CYP2J2: variants seen among roughly 807,000 people sequenced by gnomAD.
CYP2J2 encodes cytochrome P450 family 2 subfamily J member 2.
Under a neutral mutation model 48.8 loss-of-function variants are expected in CYP2J2, and 41 were observed. That is an observed-to-expected ratio of 0.84 (90% confidence interval 0.66 to 1.09). CYP2J2 has a LOEUF of 1.09. Ranked by LOEUF, CYP2J2 falls within the 50% of genes least tolerant of loss-of-function variation. CYP2J2 has a pLI of 0.00. For missense variants in CYP2J2, 644 were observed against 617.3 expected, an observed-to-expected ratio of 1.04 and a Z score of -0.46; for synonymous variants, 221 against 227.1, an observed-to-expected ratio of 0.97 and a Z score of 0.24.
the CYP2J2 span, among the ~76,000 whole-genome samples, chr1:59,950,377 T>C: frequency 1.3e-5 from 2 of 152,184 alleles, no homozygotes; most frequent in Non-Finnish European, 2.9e-5. Context: ...GAGCTCTTCA[T>C]ATTTCATTGA....
the CYP2J2 span, among the ~76,000 whole-genome samples, chr1:59,946,538 G>A: frequency 8.7e-3 from 1,323 of 152,280 alleles, 18 homozygotes; most frequent in African/African-American, 0.03. Context: ...TGAGGGGAAA[G>A]GTTTTTGTCT....
chr1:59,935,025 T>TATATATATACAC, the CYP2J2 span, among the ~76,000 whole-genome samples: 1 of 85,846 alleles, frequency 1.2e-5, no homozygotes, highest in African/African-American at 4.0e-5. Context: ...CATATATATA[T>TATATATATACAC]ATATATATAT....
the CYP2J2 span, among the ~76,000 whole-genome samples, chr1:59,942,057 T>C: frequency 6.6e-6 from 1 of 152,252 alleles, no homozygotes; most frequent in Non-Finnish European, 1.5e-5. Flanking sequence ...AAGTGCCTTA[T>C]ACAGGGGTAC....
chr1:59,961,832 G>C, the CYP2J2 span, among the ~76,000 whole-genome samples: 1 of 152,028 alleles, frequency 6.6e-6, no homozygotes, highest in African/African-American at 2.4e-5. Flanking sequence ...ATGAAGTACT[G>C]ATAAATGCTG....
chr1:59,966,991 C>T, the CYP2J2 span, among the ~76,000 whole-genome samples: 1 of 152,210 alleles, frequency 6.6e-6, no homozygotes, highest in African/African-American at 2.4e-5. Flanking sequence ...AAAACTACTC[C>T]TCAAACAAAT....
intron 2 of CYP2J2, among the ~76,000 whole-genome samples, chr1:59,914,481 C>T (rs1158534764): frequency 1.7e-4 from 26 of 152,142 alleles, no homozygotes. Context: ...TTTCCCCAAC[C>T]TCTTTGCCCC....
At chr1:59,895,372 G>A (rs1644259821) in intron 8 of CYP2J2, among the ~76,000 whole-genome samples, 1 of 152,194 alleles carries the variant, frequency 6.6e-6, no homozygotes, top group Non-Finnish European at 1.5e-5. Flanking sequence ...TTGGATTCAG[G>A]CTGTGGAGTT....
intron 8 of CYP2J2, among the ~76,000 whole-genome samples, chr1:59,899,243 A>G (rs1451814027): frequency 6.6e-6 from 1 of 152,266 alleles, no homozygotes; most frequent in Non-Finnish European, 1.5e-5. Context: ...TTGTGCTATA[A>G]TACAAAATTT....
rs749662613 is a variant in CYP2J2, at chr1:59,893,688, G to A, written c.1472C>T (p.Pro491Leu). The stretch of plus-strand genomic sequence containing the variant: ...AACAGCGCAGAGGCGGTGACTGACT[G>A]GGGAAATGGTGATACCCATTCTAAA... ...LKFRMGITISPVSHRLCAVPQ... is the reference protein window; with the variant it reads ...LKFRMGITISLVSHRLCAVPQ... The change falls in exon 9 of 9, where the codon CCA becomes CTA. Residue 491 changes from proline to leucine, a missense_variant. Coordinates refer to ENST00000371204, the MANE Select transcript of CYP2J2 (RefSeq NM_000775.4). The A allele has an allele frequency of 1.6e-5, 25 of 1,612,872 alleles. No individual in the cohort carries two copies. Among genetic ancestry groups the A allele is most frequent in the Non-Finnish European group, 2.0e-5 (24 of 1,179,516 alleles).
chr1:59,924,043 T>C (rs1310785658), intron 1 of CYP2J2, among the ~76,000 whole-genome samples: 3 of 152,058 alleles, frequency 2.0e-5, no homozygotes, highest in Non-Finnish European at 4.4e-5. Context: ...AAAGAAAATT[T>C]CTTGAAGGAA....
intron 7 of CYP2J2, among the ~76,000 whole-genome samples, chr1:59,902,582 G>A (rs531736778): frequency 2.6e-5 from 4 of 151,814 alleles, no homozygotes; most frequent in Non-Finnish European, 5.9e-5. Context: ...CGCCTGGCTA[G>A]TTTTTATATT....
chr1:59,914,545 T>A (rs983540772), intron 2 of CYP2J2, among the ~76,000 whole-genome samples: 1 of 152,206 alleles, frequency 6.6e-6, no homozygotes, highest in South Asian at 2.1e-4. Flanking sequence ...ATGGAATCAA[T>A]GTTTAAGGGA....
chr1:59,935,115 C>A, the CYP2J2 span, among the ~76,000 whole-genome samples: 1,183 of 142,434 alleles, frequency 8.3e-3, 19 homozygotes, highest in African/African-American at 0.029. Flanking sequence ...ACAACATGGA[C>A]GAATGTGGAG....
At chr1:59,966,033 T>C in the CYP2J2 span, among the ~76,000 whole-genome samples, 3 of 152,214 alleles carry the variant, frequency 2.0e-5, no homozygotes, top group Non-Finnish European at 2.9e-5. Flanking sequence ...TGGTAAGCTC[T>C]CTTGTCCTTA....
chr1:59,938,222 A>G, the CYP2J2 span, among the ~76,000 whole-genome samples: 1 of 152,144 alleles, frequency 6.6e-6, no homozygotes. Flanking sequence ...GAGACTGATA[A>G]AAGAAATAAG....
upstream of CYP2J2, among the ~76,000 whole-genome samples, chr1:59,929,142 T>C (rs117855802): frequency 5.4e-4 from 83 of 152,348 alleles, 2 homozygotes; most frequent in East Asian, 0.016. Context: ...AATGTCGTTG[T>C]ATTGTGACTG....
chr1:59,911,719 G>T lies in CYP2J2; in HGVS notation c.573C>A (p.Ile191=), dbSNP rs1457562025. 3.1e-6 allele frequency: 5 copies of T among 1,613,586 alleles called. No individual in the cohort carries two copies. The African/African-American group carries it at 6.7e-5, about 22-fold the overall frequency. ...HFKINNAVSN[I]ICSITFGERF... ...GTTCTCCGAAGGTGATGGAGCAAAT[G>T]ATATTGGAAACTGCATTGTTGATCT... The change falls in exon 4 of 9, where the codon ATC becomes ATA. Residue 191 remains isoleucine, a synonymous_variant. Coordinates refer to ENST00000371204, the MANE Select transcript of CYP2J2 (RefSeq NM_000775.4).
the CYP2J2 span, among the ~76,000 whole-genome samples, chr1:59,960,155 T>C: frequency 6.6e-6 from 1 of 151,836 alleles, no homozygotes; most frequent in African/African-American, 2.4e-5. Flanking sequence ...TATTTGAAAA[T>C]TGTAGGGAAA....
In CYP2J2 at chr1:59,907,856, G is replaced by A. The variant is rs755892986; in HGVS notation, c.933C>T (p.Ala311=). Residue 311 remains alanine, a synonymous_variant, in exon 6 of 9, where the codon GCC becomes GCT. Coordinates refer to ENST00000371204, the MANE Select transcript of CYP2J2 (RefSeq NM_000775.4). The stretch of plus-strand genomic sequence containing the variant: ...GAGTTGTGGAAGTTGTCTCGGTTCC[G>A]GCAAAGAAGAGGTCCAGGGTGCTGC... ...LICSTLDLFF[A]GTETTSTTLR... 5.4e-5 allele frequency: 87 copies of A among 1,613,862 alleles called. No homozygotes were observed. The highest frequency in any genetic ancestry group is 1.6e-4 in the Middle Eastern group (1 of 6,084).
Sources: allele counts gnomAD v4.1 joint callset (sites outside exome capture counted in the v4.1 genomes callset), GRCh38; gene constraint gnomAD v4.1.1; transcripts MANE v1.5; gene names NCBI Gene and HGNC (gene_info 2026-07-23, HGNC 2026-07-21).